The following ZNF385D variants were observed in gnomAD, a reference collection of about 807,000 sequenced individuals.
ZNF385D encodes the protein zinc finger protein 385D.
Under a neutral mutation model 35.8 loss-of-function variants are expected in ZNF385D, and 15 were observed. The observed-to-expected ratio is 0.42, with a 90% CI of 0.28 to 0.64. ZNF385D has a LOEUF of 0.64. ZNF385D is among the 30% of genes least tolerant of loss of function. The probability of loss-of-function intolerance (pLI) is 0.23; values close to 1 mark genes in which losing one functional copy is unlikely to be tolerated. For synonymous variants in ZNF385D, 212 were observed against 186.8 expected (o/e 1.13, Z -1.10); for missense variants, 474 against 494.6 (o/e 0.96, Z 0.39).
intron 2 of ZNF385D, among the ~76,000 whole-genome samples, chr3:22,216,753 A>G (rs1697913950): frequency 6.6e-6 from 1 of 152,080 alleles, no homozygotes; most frequent in South Asian, 2.1e-4. Flanking sequence ...ACACTTGCGA[A>G]TTTCCTTTGC....
intron 3 of ZNF385D, among the ~76,000 whole-genome samples, chr3:22,064,955 T>C (rs1361510078): frequency 6.6e-6 from 1 of 152,230 alleles, no homozygotes; most frequent in African/African-American, 2.4e-5. Context: ...ATGGTTGACT[T>C]AGCCATGCAC....
At chr3:22,104,901 C>A (rs907346829) in intron 3 of ZNF385D, among the ~76,000 whole-genome samples, 6 of 152,120 alleles carry the variant, frequency 3.9e-5, no homozygotes, top group African/African-American at 1.2e-4. Flanking sequence ...GCTGCTGTAA[C>A]TGAAGAGAAT....
chr3:21,592,634 T>C (rs1179426325), intron 2 of ZNF385D, among the ~76,000 whole-genome samples: 6 of 151,862 alleles, frequency 4.0e-5, no homozygotes, highest in Middle Eastern at 3.4e-3. Context: ...AAAAAATCTA[T>C]CTGCAGTAAA....
chr3:21,691,641 T>C (rs1481181247), intron 1 of ZNF385D, among the ~76,000 whole-genome samples: 3 of 152,224 alleles, frequency 2.0e-5, no homozygotes, highest in Admixed American at 6.5e-5. Context: ...ATAATTCTGA[T>C]CATCATTGCT....
chr3:21,728,121 A>G (rs1321007589), intron 1 of ZNF385D, among the ~76,000 whole-genome samples: 2 of 152,078 alleles, frequency 1.3e-5, no homozygotes, highest in Non-Finnish European at 2.9e-5. Flanking sequence ...AACATCACAC[A>G]TCGCGGCCTG....
intron 3 of ZNF385D, among the ~76,000 whole-genome samples, chr3:21,883,932 TA>T (rs1698406670): frequency 6.6e-6 from 1 of 152,022 alleles, no homozygotes; most frequent in Non-Finnish European, 1.5e-5. Flanking sequence ...CCATATCTAC[TA>T]AGTCGAATTT....
At chr3:21,583,951 CTTATTTACTTAT>C (rs1553617404) in intron 2 of ZNF385D, among the ~76,000 whole-genome samples, 14 of 132,930 alleles carry the variant, frequency 1.1e-4, no homozygotes, top group African/African-American at 2.4e-4. Flanking sequence ...ATTTATTTTA[CTTATTTACTTAT>C]TTATTTATTT....
intron 3 of ZNF385D, among the ~76,000 whole-genome samples, chr3:22,007,947 G>C (rs1253980871): frequency 2.6e-5 from 4 of 151,700 alleles, no homozygotes; most frequent in Non-Finnish European, 4.4e-5. Flanking sequence ...TTTTGTTCAT[G>C]CTTTCTCATA....
chr3:22,367,735 GA>G (rs1696719997), intron 2 of ZNF385D, among the ~76,000 whole-genome samples: 1 of 151,942 alleles, frequency 6.6e-6, no homozygotes, highest in Non-Finnish European at 1.5e-5. Flanking sequence ...AGAAGCAAAG[GA>G]AAAAGAAGTC....
At chr3:21,784,434 T>C (rs959618189) in intron 3 of ZNF385D, among the ~76,000 whole-genome samples, 9 of 152,134 alleles carry the variant, frequency 5.9e-5, no homozygotes, top group Non-Finnish European at 1.2e-4. Context: ...TGTTAATATA[T>C]AGATTTCAGA....
chr3:21,915,209 T>G (rs1022735795), intron 3 of ZNF385D, among the ~76,000 whole-genome samples: 10 of 152,038 alleles, frequency 6.6e-5, no homozygotes, highest in African/African-American at 2.4e-4. Flanking sequence ...AGATACATAT[T>G]TTTAGAATCT....
intron 3 of ZNF385D, among the ~76,000 whole-genome samples, chr3:22,108,529 G>A (rs2125639271): frequency 6.6e-6 from 1 of 152,238 alleles, no homozygotes; most frequent in East Asian, 1.9e-4. Flanking sequence ...TGGCAAATGA[G>A]TGCAATGCAT....
intron 4 of ZNF385D, among the ~76,000 whole-genome samples, chr3:21,457,989 G>C (rs571582949): frequency 1.3e-5 from 2 of 152,178 alleles, no homozygotes; most frequent in East Asian, 3.9e-4. Flanking sequence ...AGAAAGACAG[G>C]GGTGATACAG....
chr3:22,195,672 A>G (rs1696365919), intron 2 of ZNF385D, among the ~76,000 whole-genome samples: 1 of 152,074 alleles, frequency 6.6e-6, no homozygotes, highest in Admixed American at 6.6e-5. Flanking sequence ...TGACGATGCC[A>G]GTTGTATTGA....
intron 4 of ZNF385D, among the ~76,000 whole-genome samples, chr3:21,468,401 CAAAAAA>C (rs1175784477): frequency 1.5e-4 from 11 of 72,650 alleles, no homozygotes; most frequent in African/African-American, 5.9e-4. Context: ...GACACTGTCT[CAAAAAA>C]AAAAAAAAAA....
rs146676800 is a variant in ZNF385D at position 21,780,941 on chromosome 3, G to A, written c.326-115913C>T. 2.9e-3 allele frequency among the ~76,000 whole-genome samples: 443 copies of A among 152,148 alleles called. 5 individuals are homozygous for A. The highest frequency in any genetic ancestry group is 0.023 in the East Asian group (117 of 5,154). On this transcript the variant is annotated intron_variant, in intron 3 of 5. Transcript: ENST00000494108. Reference sequence around the variant, plus strand: ...ACGATGTGGGCAGGTGTCTTCATAAGGCATCAACATAAAATCTCCAAGTTT... The same window carrying A: ...ACGATGTGGGCAGGTGTCTTCATAAAGCATCAACATAAAATCTCCAAGTTT...
At chr3:22,334,458 T>A (rs559925238) in intron 2 of ZNF385D, among the ~76,000 whole-genome samples, 1 of 152,292 alleles carries the variant, frequency 6.6e-6, no homozygotes, top group African/African-American at 2.4e-5. Context: ...ATAGATTTAA[T>A]TAAATGTACC....
chr3:21,955,285 G>C (rs1484177225), intron 3 of ZNF385D, among the ~76,000 whole-genome samples: 2 of 152,202 alleles, frequency 1.3e-5, no homozygotes, highest in East Asian at 3.9e-4. Flanking sequence ...ATAGGAGATG[G>C]AAACTAAAGT....
intron 3 of ZNF385D, among the ~76,000 whole-genome samples, chr3:22,131,587 G>C (rs894464631): frequency 3.3e-5 from 5 of 152,062 alleles, no homozygotes; most frequent in African/African-American, 1.2e-4. Context: ...GGATGGAATG[G>C]GACTAAAAAG....
Sources: allele counts gnomAD v4.1 joint callset (sites outside exome capture counted in the v4.1 genomes callset), GRCh38; gene constraint gnomAD v4.1.1; transcripts MANE v1.5; gene names NCBI Gene and HGNC (gene_info 2026-07-23, HGNC 2026-07-21).